ATP13A4: variants seen among roughly 807,000 people sequenced by gnomAD.
ATP13A4 encodes the protein probable cation-transporting ATPase 13A4.
Under a neutral mutation model 142.5 loss-of-function variants are expected in ATP13A4, and 114 were observed. That is an observed-to-expected ratio of 0.80 (90% CI 0.69 to 0.93). ATP13A4 has a LOEUF of 0.93. ATP13A4 is among the 40% of genes least tolerant of loss of function. ATP13A4 has a pLI of 0.00. For synonymous variants in ATP13A4, 488 were observed against 514.8 expected, an observed-to-expected ratio of 0.95 and a Z score of 0.70; for missense variants, 1,392 against 1,454.0, an observed-to-expected ratio of 0.96 and a Z score of 0.69.
Position 193,419,058 on chromosome 3 carries a change from C to T in ATP13A4, c.2843-4308G>A, listed in dbSNP as rs114351600. The T allele has an allele frequency of 5.0e-3, 761 of 151,096 alleles. 48 individuals are homozygous for T. The highest frequency in any genetic ancestry group is 0.018 in the African/African-American group (728 of 40,974). 9.4% of individuals were successfully genotyped at this position (151,096 alleles called of 1,614,324 possible). ...ACAGGAAATGAGTGCCTTGGCAGAG[C>T]TGCTCCATTTGCCCTTCCCAGTCAA... On this transcript the variant is annotated intron_variant, in intron 25 of 29. Transcript: ENST00000342695.
intron 8 of ATP13A4, among the ~76,000 whole-genome samples, chr3:193,474,423 G>T (rs556576755): frequency 6.6e-6 from 1 of 151,012 alleles, no homozygotes; most frequent in Non-Finnish European, 1.5e-5. Flanking sequence ...GCATGGTGGC[G>T]CACACTGGAA....
intron 2 of ATP13A4, among the ~76,000 whole-genome samples, chr3:193,578,155 A>G (rs1161489543): frequency 1.3e-5 from 2 of 152,020 alleles, no homozygotes; most frequent in African/African-American, 4.8e-5. Context: ...GTAGCCAGGT[A>G]TGATGGTGTG....
chr3:193,431,741 C>T (rs1317047581), intron 25 of ATP13A4, among the ~76,000 whole-genome samples: 1 of 150,328 alleles, frequency 6.7e-6, no homozygotes, highest in African/African-American at 2.4e-5. Context: ...TTTATATATA[C>T]ACACATATAT....
intron 1 of ATP13A4, among the ~76,000 whole-genome samples, chr3:193,520,942 G>A (rs770581120): frequency 3.0e-4 from 45 of 152,148 alleles, no homozygotes; most frequent in South Asian, 1.2e-3. Context: ...TCACCTCTCT[G>A]GTCATTGACT....
chr3:193,459,604 A>T (rs1271483328), intron 13 of ATP13A4, among the ~76,000 whole-genome samples: 3 of 152,042 alleles, frequency 2.0e-5, no homozygotes, highest in Non-Finnish European at 4.4e-5. Flanking sequence ...TGTCAGGCTA[A>T]TTTTTTGTAT....
intron 2 of ATP13A4, among the ~76,000 whole-genome samples, chr3:193,567,376 A>G (rs1331143430): frequency 6.6e-6 from 1 of 152,180 alleles, no homozygotes; most frequent in African/African-American, 2.4e-5. Flanking sequence ...ACATGCTTTA[A>G]TGTTATAATC....
chr3:193,467,630 C>T (rs900463482), intron 9 of ATP13A4, 144 bp from the exon 10 acceptor site: 3 of 801,308 alleles, frequency 3.7e-6, no homozygotes, highest in African/African-American at 3.4e-5. Context: ...GGGATACAAG[C>T]ATAAACATAG....
rs1716702702 is a variant in ATP13A4 at position 193,442,451 on chromosome 3, G to A, written c.2258C>T (p.Ser753Leu). 1 of 1,614,088 alleles carries A rather than the reference G, an allele frequency of 6.2e-7. No homozygotes were observed. The highest frequency in any genetic ancestry group is 8.5e-7 in the Non-Finnish European group (1 of 1,179,916). Reference sequence around the variant, plus strand: ...TACTAACGTCCAAGATATAGATGCTGATGAGGACCCGGTGGTTTCATTTGC... The same window carrying A: ...TACTAACGTCCAAGATATAGATGCTAATGAGGACCCGGTGGTTTCATTTGC... Reference protein sequence around the residue: ...IEANETTGSSSASISWTLVEE... With the variant: ...IEANETTGSSLASISWTLVEE... Residue 753 changes from serine (S) to leucine (L), a missense_variant, in exon 19 of 30, where the codon TCA (serine) becomes TTA (leucine). Physicochemically the swap from Ser to Leu is moderately radical, Grantham distance 145. Coordinates refer to ENST00000342695, the MANE Select transcript of ATP13A4 (RefSeq NM_032279.4).
At chr3:193,531,305 A>C in intron 1 of ATP13A4, among the ~76,000 whole-genome samples, 1 of 99,882 alleles carries the variant, frequency 1.0e-5, no homozygotes, top group Non-Finnish European at 1.9e-5. Flanking sequence ...GGAGGAAGGA[A>C]GGAAGGAAGG....
intron 3 of ATP13A4, among the ~76,000 whole-genome samples, chr3:193,500,404 C>T (rs1365708925): frequency 6.6e-6 from 1 of 152,166 alleles, no homozygotes; most frequent in Non-Finnish European, 1.5e-5. Flanking sequence ...TTGCTGTAGT[C>T]TTCAGACTTC....
At chr3:193,553,962 T>G (rs1723739511) in intron 1 of ATP13A4, among the ~76,000 whole-genome samples, 1 of 152,234 alleles carries the variant, frequency 6.6e-6, no homozygotes, top group Non-Finnish European at 1.5e-5. Context: ...ATTACTGGCA[T>G]AAAAGACTAT....
chr3:193,521,464 T>A (rs1444504146), intron 1 of ATP13A4, among the ~76,000 whole-genome samples: 1 of 152,148 alleles, frequency 6.6e-6, no homozygotes, highest in African/African-American at 2.4e-5. Context: ...AAGGAATATA[T>A]TTAATGACAA....
chr3:193,501,138 C>T (rs1720519042), intron 3 of ATP13A4, among the ~76,000 whole-genome samples: 1 of 152,104 alleles, frequency 6.6e-6, no homozygotes, highest in South Asian at 2.1e-4. Context: ...TTATTTGATG[C>T]TACTAAAGAT....
intron 8 of ATP13A4, among the ~76,000 whole-genome samples, chr3:193,476,134 T>C (rs539614649): frequency 6.6e-6 from 1 of 152,186 alleles, no homozygotes; most frequent in African/African-American, 2.4e-5. Context: ...TAATGCATTT[T>C]ATCTTAAAAA....
intron 3 of ATP13A4, among the ~76,000 whole-genome samples, chr3:193,496,377 T>C (rs1302161243): frequency 6.6e-6 from 1 of 152,146 alleles, no homozygotes; most frequent in African/African-American, 2.4e-5. Flanking sequence ...AATAGACATA[T>C]AGACCAATGG....
chr3:193,591,069 CTTGT>C (rs1724755649), intron 1 of ATP13A4, among the ~76,000 whole-genome samples: 2 of 152,080 alleles, frequency 1.3e-5, no homozygotes, highest in African/African-American at 2.4e-5. Flanking sequence ...CATTTTTTTG[CTTGT>C]TTGTTTTTGA....
chr3:193,481,999 T>C (rs986701245), intron 8 of ATP13A4, among the ~76,000 whole-genome samples: 1 of 152,134 alleles, frequency 6.6e-6, no homozygotes, highest in African/African-American at 2.4e-5. Flanking sequence ...AGTGTCAAAA[T>C]AACTCTAAAA....
At chr3:193,545,281 G>A (rs574157933) in intron 1 of ATP13A4, among the ~76,000 whole-genome samples, 1 of 152,152 alleles carries the variant, frequency 6.6e-6, no homozygotes, top group Non-Finnish European at 1.5e-5. Flanking sequence ...TTCTGGAAAT[G>A]CTGAAGTGAT....
intron 7 of ATP13A4, among the ~76,000 whole-genome samples, chr3:193,485,052 C>T (rs1376288857): frequency 2.6e-5 from 4 of 151,702 alleles, no homozygotes; most frequent in African/African-American, 7.3e-5. Context: ...GGTGACATAT[C>T]GAAATGTTCT....
Sources: allele counts gnomAD v4.1 joint callset (sites outside exome capture counted in the v4.1 genomes callset), GRCh38; gene constraint gnomAD v4.1.1; transcripts MANE v1.5; gene names NCBI Gene and HGNC (gene_info 2026-07-23, HGNC 2026-07-21).